The following FER1L6 variants were observed in gnomAD, a reference collection of about 807,000 sequenced individuals.
The protein encoded by FER1L6 is fer-1-like protein 6.
In FER1L6, 177 loss-of-function variants were observed where a neutral mutation model predicts 219.2. That is an observed-to-expected ratio of 0.81 (90% CI 0.71 to 0.91). The LOEUF is 0.91. FER1L6 is among the 40% of genes least tolerant of loss of function. The pLI is 0.00. For missense variants in FER1L6, 2,153 were observed against 2,259.9 expected, an observed-to-expected ratio of 0.95 and a Z score of 0.96; for synonymous variants, 768 against 824.3, an observed-to-expected ratio of 0.93 and a Z score of 1.17.
Position 123,963,414 on chromosome 8 carries a change from A to T in FER1L6, c.197+16A>T, listed in dbSNP as rs745865421. On this transcript the variant is annotated intron_variant, in intron 3 of 40. Coordinates refer to ENST00000522917, the MANE Select transcript of FER1L6 (RefSeq NM_001039112.2). ...CAAAGAGAAGGTACAGTATGGATGC[A>T]GGTGGTCAACACACATTTGCTGAGC... is the stretch of plus-strand genomic sequence containing the variant. The T allele has an allele frequency of 4.3e-6, 7 of 1,613,478 alleles. No individual in the cohort carries two copies. The highest frequency in any genetic ancestry group is 5.9e-6 in the Non-Finnish European group (7 of 1,179,550).
chr8:123,859,548 CT>C (rs540137748), intron 1 of FER1L6, among the ~76,000 whole-genome samples: 6,193 of 133,986 alleles, frequency 0.046, 226 homozygotes, highest in African/African-American at 0.1. Flanking sequence ...TGCTCTGTTT[CT>C]TTTTTTTTTT....
chr8:123,983,054 G>A (rs1563724337), intron 11 of FER1L6, among the ~76,000 whole-genome samples: 1 of 152,190 alleles, frequency 6.6e-6, no homozygotes, highest in Admixed American at 6.5e-5. Flanking sequence ...TTCATTTTTT[G>A]AGGGGAAGAT....
At chr8:124,073,857 C>T (rs539509124) in intron 31 of FER1L6, among the ~76,000 whole-genome samples, 2 of 152,284 alleles carry the variant, frequency 1.3e-5, no homozygotes, top group African/African-American at 4.8e-5. Context: ...TCACAGATAA[C>T]TGCTTTGTAA....
chr8:124,049,532 G>A lies in FER1L6; in HGVS notation c.2725-75G>A, dbSNP rs1263541343. The stretch of plus-strand genomic sequence containing the variant: ...GTTTTGTGGAGGTTATTTTGTGGAG[G>A]TGATGGCATTGATGTGGATCAGAAC... On this transcript the variant is annotated intron_variant, in intron 21 of 40. Transcript: ENST00000522917. 2.7e-6 allele frequency: 4 copies of A among 1,493,142 alleles called. No individual in the cohort carries two copies. In the African/African-American group the frequency reaches 4.2e-5, roughly 16 times the overall value. The allele number at this position is 1,493,142 out of a possible 1,614,324, so 92.5% of individuals were successfully genotyped here.
chr8:124,067,224 A>G (rs766691231), intron 27 of FER1L6, among the ~76,000 whole-genome samples: 16 of 152,220 alleles, frequency 1.1e-4, no homozygotes, highest in Non-Finnish European at 2.1e-4. Flanking sequence ...TGGAAAGGCT[A>G]TGGTTGCATC....
At chr8:123,859,213 C>T (rs1816702006) in intron 1 of FER1L6, among the ~76,000 whole-genome samples, 2 of 152,282 alleles carry the variant, frequency 1.3e-5, no homozygotes, top group South Asian at 2.1e-4. Flanking sequence ...ATTGTACAGG[C>T]TGGTCTCAAA....
chr8:123,987,668 G>T (rs974757337), intron 12 of FER1L6, among the ~76,000 whole-genome samples: 5 of 152,264 alleles, frequency 3.3e-5, no homozygotes, highest in African/African-American at 1.2e-4. Flanking sequence ...TTAGATTTAA[G>T]TCTTTAATCC....
chr8:123,941,801 A>G (rs927793267), intron 1 of FER1L6, among the ~76,000 whole-genome samples: 18 of 152,328 alleles, frequency 1.2e-4, no homozygotes, highest in Admixed American at 1.1e-3. Context: ...GAAGAATTTA[A>G]AGAACAGAGC....
At chr8:124,072,522 T>G (rs1821120270) in intron 31 of FER1L6, among the ~76,000 whole-genome samples, 1 of 152,226 alleles carries the variant, frequency 6.6e-6, no homozygotes, top group South Asian at 2.1e-4. Context: ...TATCAACCGT[T>G]TGCTTCCATT....
chr8:124,024,271 T>G lies in FER1L6; in HGVS notation c.2286+675T>G, dbSNP rs1818606660. 3.3e-5 allele frequency among the ~76,000 whole-genome samples: 5 copies of G among 152,064 alleles called. No homozygotes were observed. In the South Asian group the frequency reaches 1.0e-3, roughly 32 times the overall value. ...ATTACATGGATAAGTTGAATAGTGGTGAAATCCAGAATTTCAGTGTAACTG... is the reference window on the plus strand; with the variant it reads ...ATTACATGGATAAGTTGAATAGTGGGGAAATCCAGAATTTCAGTGTAACTG... On this transcript the variant is annotated intron_variant, in intron 18 of 40. Transcript: ENST00000522917.
intron 12 of FER1L6, among the ~76,000 whole-genome samples, chr8:123,994,499 C>T (rs553990990): frequency 6.6e-6 from 1 of 152,306 alleles, no homozygotes; most frequent in Non-Finnish European, 1.5e-5. Context: ...ATTGGCGAGA[C>T]ATATCTTTCA....
chr8:123,926,154 A>G (rs899161571), intron 1 of FER1L6, among the ~76,000 whole-genome samples: 5 of 152,226 alleles, frequency 3.3e-5, no homozygotes, highest in Non-Finnish European at 7.3e-5. Context: ...ACGTGGTGGC[A>G]GCAGTCCCCT....
intron 1 of FER1L6, among the ~76,000 whole-genome samples, chr8:123,916,993 G>C (rs1813209800): frequency 6.6e-6 from 1 of 152,160 alleles, no homozygotes; most frequent in African/African-American, 2.4e-5. Flanking sequence ...ACAGGATTTG[G>C]GGACATTTTG....
In FER1L6 at chr8:123,980,749, C is replaced by A. The variant is rs778956217; in HGVS notation, c.1348C>A (p.Gln450Lys). The change falls in exon 11 of 41, where the codon CAG becomes AAG. Residue 450 changes from glutamine to lysine, a missense_variant. Gln to Lys is a moderately conservative substitution (Grantham distance 53). Coordinates refer to ENST00000522917, the MANE Select transcript of FER1L6 (RefSeq NM_001039112.2). The stretch of plus-strand genomic sequence containing the variant: ...CAAAACTGAAGATGGAAAATCCCAA[C>A]AGGCTTCAAACAAAACTAACTCAAC... ...ADKTEDGKSQ[Q>K]ASNKTNSTEV... The A allele has an allele frequency of 6.2e-7, 1 of 1,614,034 alleles. No homozygotes were observed. The highest frequency in any genetic ancestry group is 1.3e-5 in the African/African-American group (1 of 74,930).
chr8:123,896,791 T>C (rs185638413), intron 1 of FER1L6, among the ~76,000 whole-genome samples: 3 of 152,316 alleles, frequency 2.0e-5, no homozygotes, highest in Admixed American at 6.5e-5. Flanking sequence ...ACCATCTATA[T>C]GCTGATAACT....
chr8:124,029,017 A>G (rs190663475), intron 18 of FER1L6, among the ~76,000 whole-genome samples: 44 of 152,290 alleles, frequency 2.9e-4, no homozygotes, highest in African/African-American at 9.6e-4. Context: ...CTTATGAATG[A>G]GAACATGCAG....
chr8:124,101,416 G>A, intron 38 of FER1L6, 78 bp downstream of exon 38: 1 of 1,334,648 alleles, frequency 7.5e-7, no homozygotes, highest in South Asian at 1.4e-5. Flanking sequence ...GTCTGATTTA[G>A]TTACAAGACT....
chr8:123,971,576 C>T (rs1815818678), intron 6 of FER1L6, among the ~76,000 whole-genome samples: 1 of 152,318 alleles, frequency 6.6e-6, no homozygotes, highest in East Asian at 1.9e-4. Flanking sequence ...ATCTCTGTTT[C>T]TCTAACTTCG....
At chr8:123,927,345 C>T (rs1438334018) in intron 1 of FER1L6, among the ~76,000 whole-genome samples, 1 of 152,130 alleles carries the variant, frequency 6.6e-6, no homozygotes, top group Non-Finnish European at 1.5e-5. Flanking sequence ...CTAGGTAAGG[C>T]AAGAGGCTTC....
Sources: allele counts gnomAD v4.1 joint callset (sites outside exome capture counted in the v4.1 genomes callset), GRCh38; gene constraint gnomAD v4.1.1; transcripts MANE v1.5; gene names NCBI Gene and HGNC (gene_info 2026-07-23, HGNC 2026-07-21).